Variants in WASHC3 observed in about 807,000 individuals in gnomAD.
WASHC3 encodes the protein WASH complex subunit CCDC53.
A neutral mutation model predicts 26.1 loss-of-function variants in WASHC3; 24 were observed. The observed-to-expected ratio is 0.92, with a 90% CI of 0.66 to 1.29. The LOEUF (loss-of-function observed/expected upper bound fraction) is 1.29. Among genes scored for constraint, WASHC3 ranks in the 50% most tolerant of loss-of-function variants. WASHC3 has a pLI of 0.00. For missense variants in WASHC3, 214 were observed against 229.6 expected (o/e 0.93, Z 0.44); for synonymous variants, 77 against 75.7 (o/e 1.02, Z -0.09).
At chr12:102,038,711 T>C (rs1594360941) in intron 5 of WASHC3, among the ~76,000 whole-genome samples, 1 of 152,264 alleles carries the variant, frequency 6.6e-6, no homozygotes, top group East Asian at 1.9e-4. Flanking sequence ...TTTTCTAAAT[T>C]GACCGCCAAT....
intron 6 of WASHC3, among the ~76,000 whole-genome samples, chr12:102,020,213 T>C (rs545757738): frequency 1.3e-5 from 2 of 152,310 alleles, no homozygotes; most frequent in East Asian, 3.9e-4. Context: ...GGAGCTATGT[T>C]CCCAGGCTTC....
At chr12:102,045,674 T>A (rs1054554808) in intron 3 of WASHC3, among the ~76,000 whole-genome samples, 2 of 152,240 alleles carry the variant, frequency 1.3e-5, no homozygotes, top group Non-Finnish European at 2.9e-5. Context: ...GCTGATATTG[T>A]CTCTAAAATT....
At chr12:102,047,515 G>A (rs1179404925) in intron 2 of WASHC3, among the ~76,000 whole-genome samples, 1 of 152,080 alleles carries the variant, frequency 6.6e-6, no homozygotes, top group Non-Finnish European at 1.5e-5. Context: ...AAGGCTTTTA[G>A]GTAAACACCA....
chr12:102,014,744 C>T (rs1016891932), intron 6 of WASHC3, among the ~76,000 whole-genome samples: 1 of 152,120 alleles, frequency 6.6e-6, no homozygotes, highest in Admixed American at 6.5e-5. Context: ...GCTCCATCTG[C>T]CTAAAATACT....
chr12:102,049,166 A>T (rs10778169), intron 2 of WASHC3, among the ~76,000 whole-genome samples: 3 of 152,140 alleles, frequency 2.0e-5, no homozygotes, highest in African/African-American at 4.8e-5. Context: ...GACTGTCCTG[A>T]GCACTACAAG....
At chr12:102,017,842 T>C (rs1465271813) in intron 6 of WASHC3, 1 of 418,042 alleles carries the variant, frequency 2.4e-6, no homozygotes, top group Non-Finnish European at 4.7e-6. Context: ...AATTTAATAT[T>C]GTAACCATTT....
At chr12:102,032,133 T>G (rs958615463) in intron 5 of WASHC3, among the ~76,000 whole-genome samples, 7 of 152,164 alleles carry the variant, frequency 4.6e-5, no homozygotes, top group African/African-American at 1.7e-4. Context: ...TAGAAGCTCC[T>G]CATCCTTAGG....
intron 5 of WASHC3, among the ~76,000 whole-genome samples, chr12:102,039,477 G>T (rs189141608): frequency 2.8e-4 from 43 of 152,124 alleles, no homozygotes; most frequent in Admixed American, 1.2e-3. Context: ...ATGGCCAAGA[G>T]ATCATTGATA....
At chr12:102,027,703 T>TA (rs2121356810) in intron 5 of WASHC3, among the ~76,000 whole-genome samples, 1 of 152,284 alleles carries the variant, frequency 6.6e-6, no homozygotes, top group South Asian at 2.1e-4. Flanking sequence ...CACAGCCTGC[T>TA]AGGTTAAATA....
chr12:102,024,953 C>T (rs1393264422), intron 6 of WASHC3, among the ~76,000 whole-genome samples: 1 of 152,094 alleles, frequency 6.6e-6, no homozygotes, highest in African/African-American at 2.4e-5. Flanking sequence ...CAAGCTATGC[C>T]ATTGTACTTG....
chr12:102,015,826 T>A (rs1215161970), intron 6 of WASHC3, among the ~76,000 whole-genome samples: 1 of 152,206 alleles, frequency 6.6e-6, no homozygotes, highest in Non-Finnish European at 1.5e-5. Flanking sequence ...AGGACGGTGG[T>A]CCCATTAGAT....
At chr12:102,026,920 C>T (rs1322948544) in intron 5 of WASHC3, among the ~76,000 whole-genome samples, 1 of 152,146 alleles carries the variant, frequency 6.6e-6, no homozygotes, top group African/African-American at 2.4e-5. Flanking sequence ...TCCCTCTCAC[C>T]CCGTGTGGCA....
At chr12:102,037,610 G>A (rs889385119) in intron 5 of WASHC3, among the ~76,000 whole-genome samples, 2 of 152,112 alleles carry the variant, frequency 1.3e-5, no homozygotes, top group African/African-American at 4.8e-5. Flanking sequence ...CATAAAGGAG[G>A]CCAGTAGAGC....
At chr12:102,018,285 A>G (rs1876796861) in intron 6 of WASHC3, among the ~76,000 whole-genome samples, 1 of 152,202 alleles carries the variant, frequency 6.6e-6, no homozygotes, top group Non-Finnish European at 1.5e-5. Flanking sequence ...GTATACAAAT[A>G]TCTCTTTGAG....
At chr12:102,061,537 T>G (rs552100113) in intron 1 of WASHC3, among the ~76,000 whole-genome samples, 191 bp from the exon 2 acceptor site, 1 of 152,308 alleles carries the variant, frequency 6.6e-6, no homozygotes, top group Admixed American at 6.5e-5. Context: ...CACAAAAGTT[T>G]GAGAACAGGC....
chr12:102,056,182 G>C (rs1878586466), intron 2 of WASHC3, among the ~76,000 whole-genome samples: 1 of 152,166 alleles, frequency 6.6e-6, no homozygotes, highest in African/African-American at 2.4e-5. Context: ...TATTACTGTT[G>C]AGGCATATAT....
At chr12:102,014,875 C>A (rs1440577264) in intron 6 of WASHC3, among the ~76,000 whole-genome samples, 1 of 152,176 alleles carries the variant, frequency 6.6e-6, no homozygotes, top group Non-Finnish European at 1.5e-5. Flanking sequence ...TGATTTCTTA[C>A]TGTCTATACT....
intron 5 of WASHC3, among the ~76,000 whole-genome samples, chr12:102,030,295 C>CAAAAA (rs57056667): frequency 1.0e-4 from 9 of 89,118 alleles, no homozygotes; most frequent in Non-Finnish European, 1.4e-4. Context: ...AACTCCATCT[C>CAAAAA]AAAAAAAAAA....
At chr12:102,013,264 G>C (rs1311225187) in intron 6 of WASHC3, 72 bp from the exon 7 acceptor site, 6 of 756,458 alleles carry the variant, frequency 7.9e-6, no homozygotes, top group South Asian at 6.4e-5. Context: ...TCTTAAATTT[G>C]GTTCATCTTA....
Sources: gnomAD v4.1 joint callset for allele counts (sites outside exome capture counted in the v4.1 genomes callset) on GRCh38, gnomAD v4.1.1 for gene constraint, MANE v1.5 for transcripts, NCBI Gene and HGNC (gene_info 2026-07-23, HGNC 2026-07-21) for gene names.